The following EVC2 variants were observed in gnomAD, a reference collection of about 807,000 sequenced individuals.
The protein encoded by EVC2 is EvC ciliary complex subunit 2.
Under a neutral mutation model 149.3 loss-of-function variants are expected in EVC2, and 148 were observed. The ratio of observed to expected loss-of-function variants is 0.99; its 90% CI spans 0.87 to 1.14. The LOEUF (loss-of-function observed/expected upper bound fraction) is 1.14, where lower values mean the gene tolerates loss of function less well. Among genes scored for constraint, EVC2 ranks in the 50% most tolerant of loss-of-function variants. The pLI, the probability that EVC2 is intolerant of heterozygous loss-of-function variation, is 0.00. For missense variants in EVC2, 1,854 were observed against 1,627.3 expected (o/e 1.14, Z -2.40); for synonymous variants, 776 against 649.9 (o/e 1.19, Z -2.95).
chr4:5,628,698 T>A lies in EVC2; in HGVS notation c.1747A>T (p.Ser583Cys), dbSNP rs1222356750. ...VEELMDFFQA[S>C]KRYHLSKRFG... ...CTTTTACTTAGATGATACCTCTTAC[T>A]AGCCTGGAAAAAGTCCATTAACTCT... Residue 583 changes from serine (S) to cysteine (C), a missense_variant, in exon 12 of 22, where the codon AGT (serine) becomes TGT (cysteine). Physicochemically the swap from Ser to Cys is moderately radical, Grantham distance 112 (BLOSUM62 -1). Coordinates refer to ENST00000344408, the MANE Select transcript of EVC2 (RefSeq NM_147127.5). 20 of 1,613,592 alleles carry A rather than the reference T, an allele frequency of 1.2e-5. No homozygotes were observed. The African/African-American group carries it at 1.5e-4, about 12-fold the overall frequency.
chr4:5,543,456 C>T (rs1248536723), intron 21 of EVC2, among the ~76,000 whole-genome samples: 5 of 152,192 alleles, frequency 3.3e-5, no homozygotes, highest in African/African-American at 4.8e-5. Flanking sequence ...CTGCAGGGTT[C>T]GAAGTGTTTC....
At chr4:5,638,580 T>C (rs545882168) in intron 10 of EVC2, among the ~76,000 whole-genome samples, 32 of 152,116 alleles carry the variant, frequency 2.1e-4, no homozygotes, top group African/African-American at 7.7e-4. Context: ...TGAGGGAGGC[T>C]GCAGTGGACT....
intron 16 of EVC2, among the ~76,000 whole-genome samples, chr4:5,596,356 T>A (rs890006312): frequency 3.3e-5 from 5 of 152,002 alleles, no homozygotes; most frequent in African/African-American, 1.2e-4. Context: ...GATCAGACAT[T>A]ATAACAAACT....
In EVC2 at chr4:5,625,984, A is replaced by G; in HGVS notation, c.1887-76T>C. 1 of 1,547,844 alleles carries G rather than the reference A, an allele frequency of 6.5e-7. No individual in the cohort carries two copies. The highest frequency in any genetic ancestry group is 1.1e-5 in the South Asian group (1 of 89,236). The stretch of plus-strand genomic sequence containing the variant: ...AGCTTAACTGCTATTGTGCCTGAAC[A>G]TTCATCTCCATATTAGTTTGGTTTG... On this transcript the variant is annotated intron_variant, in intron 12 of 21. Transcript: ENST00000344408. This position sits in a 1 kb window ranked among gnomAD's most constrained non-coding sequence, Gnocchi z 4.0.
At chr4:5,584,989 C>A in intron 16 of EVC2, 139 bp from the exon 17 acceptor site, 1 of 908,466 alleles carries the variant, frequency 1.1e-6, no homozygotes, top group South Asian at 1.4e-5. Flanking sequence ...GCACTGGGAA[C>A]CTGCAGGGAG....
intron 16 of EVC2, among the ~76,000 whole-genome samples, chr4:5,596,479 T>C (rs925471941): frequency 6.6e-6 from 1 of 151,944 alleles, no homozygotes; most frequent in Non-Finnish European, 1.5e-5. Flanking sequence ...ACTGGGTACA[T>C]AACAAAATGA....
At chr4:5,548,614 A>C (rs1255408613) in intron 21 of EVC2, among the ~76,000 whole-genome samples, 5 of 152,162 alleles carry the variant, frequency 3.3e-5, no homozygotes, top group Admixed American at 3.3e-4. Flanking sequence ...AATAATTGCT[A>C]AGAAGAATCA....
Position 5,616,237 on chromosome 4 carries a change from A to G in EVC2, c.2707-693T>C, listed in dbSNP as rs73198124. ...GAACTTTCCCAGCACAGGTCTGGTC[A>G]GGGCCCAGGCCACAGGGAGCCTTGA... On this transcript the variant is annotated intron_variant, in intron 15 of 21. Coordinates refer to ENST00000344408, the MANE Select transcript of EVC2 (RefSeq NM_147127.5). Among the ~76,000 whole-genome samples the G allele has an allele frequency of 3.8e-3, 578 of 152,340 alleles. 3 individuals carry two copies. Among genetic ancestry groups the G allele is most frequent in the Middle Eastern group, 6.8e-3 (2 of 294 alleles).
intron 21 of EVC2, among the ~76,000 whole-genome samples, chr4:5,544,590 G>A (rs1393781444): frequency 2.6e-5 from 4 of 152,200 alleles, no homozygotes; most frequent in Non-Finnish European, 5.9e-5. Context: ...CAAGAGGGAA[G>A]AGTAGACTCC....
intron 1 of EVC2, among the ~76,000 whole-genome samples, chr4:5,704,882 T>C (rs570755441): frequency 1.3e-5 from 2 of 151,918 alleles, no homozygotes; most frequent in East Asian, 1.9e-4. Flanking sequence ...TATATATATA[T>C]ATGTTTTGTA....
intron 21 of EVC2, among the ~76,000 whole-genome samples, chr4:5,548,893 C>T (rs1465023891): frequency 6.6e-6 from 1 of 152,122 alleles, no homozygotes; most frequent in East Asian, 1.9e-4. Context: ...CTCTACTTTC[C>T]TTGTTGTTTT....
intron 1 of EVC2, 197 bp downstream of exon 1, chr4:5,708,089 G>T: frequency 2.2e-6 from 1 of 457,784 alleles, no homozygotes; most frequent in Non-Finnish European, 3.7e-6. Flanking sequence ...GCCACACCCC[G>T]AGGAAGGTCT....
At chr4:5,647,598 A>T (rs1009362558) in intron 9 of EVC2, among the ~76,000 whole-genome samples, 3 of 152,244 alleles carry the variant, frequency 2.0e-5, no homozygotes, top group Non-Finnish European at 4.4e-5. Context: ...CTAAATGTCA[A>T]ATGAACTAAA....
At chr4:5,627,560 A>G (rs1253288888) in intron 12 of EVC2, among the ~76,000 whole-genome samples, 2 of 152,234 alleles carry the variant, frequency 1.3e-5, no homozygotes, top group Admixed American at 6.5e-5. Context: ...ACAGATTGTC[A>G]TAAGAAAGCC....
At chr4:5,598,188 T>C (rs1389501765) in intron 16 of EVC2, among the ~76,000 whole-genome samples, 7 of 152,036 alleles carry the variant, frequency 4.6e-5, no homozygotes, top group Non-Finnish European at 7.4e-5. Flanking sequence ...CAGCTACCAA[T>C]GACTTTCTTC....
chr4:5,651,326 G>A (rs912032031), intron 9 of EVC2, among the ~76,000 whole-genome samples: 2 of 152,038 alleles, frequency 1.3e-5, no homozygotes, highest in African/African-American at 4.8e-5. Context: ...TTGATAGATG[G>A]GCAGATAGGT....
intron 13 of EVC2, among the ~76,000 whole-genome samples, chr4:5,624,435 T>C (rs1715954194): frequency 6.6e-6 from 1 of 152,198 alleles, no homozygotes; most frequent in African/African-American, 2.4e-5. Flanking sequence ...AATCAATTCA[T>C]TCATTCTACA....
intron 17 of EVC2, among the ~76,000 whole-genome samples, chr4:5,579,343 A>T (rs914685210): frequency 2.0e-5 from 3 of 152,202 alleles, no homozygotes; most frequent in Non-Finnish European, 4.4e-5. Context: ...CATGGGATGG[A>T]CATGAGGTTT....
chr4:5,663,315 G>A, intron 8 of EVC2, 69 bp from the exon 9 acceptor site: 2 of 1,606,618 alleles, frequency 1.2e-6, no homozygotes, highest in East Asian at 2.2e-5. Context: ...GAGAAAGCCA[G>A]GAGGGAAGGC....
Sources: allele counts gnomAD v4.1 joint callset (sites outside exome capture counted in the v4.1 genomes callset), GRCh38; gene constraint gnomAD v4.1.1; non-coding constraint Gnocchi (gnomAD v3.1); transcripts MANE v1.5; gene names NCBI Gene and HGNC (gene_info 2026-07-23, HGNC 2026-07-21).